Variants in SBK2 observed in about 807,000 individuals in gnomAD.
SBK2 encodes serine/threonine-protein kinase SBK2.
A neutral mutation model predicts 15.9 loss-of-function variants in SBK2; 18 were observed. The observed-to-expected ratio is 1.13, with a 90% CI of 0.78 to 1.68. The LOEUF (loss-of-function observed/expected upper bound fraction) is 1.68, where lower values mean the gene tolerates loss of function less well. Among genes scored for constraint, SBK2 ranks in the 40% most tolerant of loss-of-function variants. SBK2 has a pLI of 0.00. For missense variants in SBK2, 581 were observed against 510.9 expected (o/e 1.14, Z -1.32); for synonymous variants, 284 against 246.8 (o/e 1.15, Z -1.41).
Position 55,529,395 on chromosome 19 carries a change from C to CA in SBK2, c.*337dup, listed in dbSNP as rs1365926385. ...TGGGAGACAGAGCGAGACCCTGTCTCAAAAAAAATAAAAATGCGAGGGGTG... is the reference window on the plus strand; with the variant it reads ...TGGGAGACAGAGCGAGACCCTGTCTCAAAAAAAAATAAAAATGCGAGGGGTG... On this transcript the variant is annotated 3_prime_UTR_variant, in exon 4 of 4. Coordinates refer to ENST00000413299, the MANE Select transcript of SBK2 (RefSeq NM_001370096.2). Among the ~76,000 whole-genome samples, 13 of 151,464 alleles carry CA rather than the reference C, an allele frequency of 8.6e-5. No homozygotes were observed. The highest frequency in any genetic ancestry group is 2.6e-4 in the Admixed American group (4 of 15,190).
At chr19:55,535,906 A>C (rs959348844) in intron 2 of SBK2, 136 bp downstream of exon 2, 20 of 913,246 alleles carry the variant, frequency 2.2e-5, no homozygotes, top group Non-Finnish European at 3.0e-5. Context: ...AAAGAACAAA[A>C]AACAAAAAAC....
intron 2 of SBK2, 92 bp downstream of exon 2, chr19:55,535,950 T>C: frequency 8.0e-7 from 1 of 1,247,910 alleles, no homozygotes; most frequent in Non-Finnish European, 1.1e-6. Flanking sequence ...AAGACTTGAT[T>C]CAGGCCTGCC....
rs1427940937 is a variant in SBK2, at chr19:55,530,256, T to G, written c.524A>C (p.His175Pro). ...AQLASALEYI[H>P]ARGLVYRDLK... The stretch of plus-strand genomic sequence containing the variant: ...GTCCCGGTACACCAGGCCGCGGGCG[T>G]GGATGTACTCCAGGGCGGAGGCCAG... The change falls in exon 4 of 4, where the codon CAC becomes CCC. Residue 175 changes from histidine (H) to proline (P), a missense_variant. By Grantham distance (77) the His-to-Pro change is moderately conservative. Transcript: ENST00000413299. The G allele has an allele frequency of 1.3e-6, 2 of 1,507,914 alleles. No homozygotes were observed. Among genetic ancestry groups the G allele is most frequent in the Admixed American group, 2.3e-5 (1 of 43,790 alleles). 93.4% of individuals were successfully genotyped at this position (1,507,914 alleles called of 1,614,324 possible).
intron 2 of SBK2, among the ~76,000 whole-genome samples, chr19:55,535,252 C>T (rs1988369474): frequency 6.6e-6 from 1 of 151,908 alleles, no homozygotes; most frequent in African/African-American, 2.4e-5. Flanking sequence ...CAGGTTGCCT[C>T]CCTATTTTCC....
rs767566173 is a variant in SBK2 at position 55,529,398 on chromosome 19, A to C, written c.*335T>G. Among the ~76,000 whole-genome samples the C allele has an allele frequency of 3.9e-5, 6 of 152,156 alleles. No homozygotes were observed. The highest frequency in any genetic ancestry group is 8.8e-5 in the Non-Finnish European group (6 of 68,026). On this transcript the variant is annotated 3_prime_UTR_variant, in exon 4 of 4. Coordinates refer to ENST00000413299, the MANE Select transcript of SBK2 (RefSeq NM_001370096.2). The stretch of plus-strand genomic sequence containing the variant: ...GAGACAGAGCGAGACCCTGTCTCAA[A>C]AAAAATAAAAATGCGAGGGGTGAGG...
intron 2 of SBK2, among the ~76,000 whole-genome samples, chr19:55,533,550 G>A (rs1416672931): frequency 7.1e-6 from 1 of 141,780 alleles, no homozygotes; most frequent in South Asian, 2.3e-4. Flanking sequence ...CTATTCGGGA[G>A]GCTGAGGCAG....
chr19:55,532,704 G>A (rs1266688686), intron 2 of SBK2, among the ~76,000 whole-genome samples: 4 of 151,010 alleles, frequency 2.6e-5, no homozygotes, highest in East Asian at 3.9e-4. Flanking sequence ...GGGCTCAAGC[G>A]ATTCTCCTGC....
At position 55,529,134 on chromosome 19, in the gene SBK2, C is replaced by T. The variant is rs1393709292; in HGVS notation, c.*599G>A. ...AATTAGCCTAGCGTGGTGGCGCATG[C>T]CTGTAGTCCCAGCTACTCAGGAGGC... is the stretch of plus-strand genomic sequence containing the variant. On this transcript the variant is annotated 3_prime_UTR_variant, in exon 4 of 4. Transcript: ENST00000413299. 6.6e-6 allele frequency among the ~76,000 whole-genome samples: 1 copy of T among 152,150 alleles called. No homozygotes were observed. The highest frequency in any genetic ancestry group is 2.4e-5 in the African/African-American group (1 of 41,432).
rs550611189 is a variant in SBK2 at position 55,533,342 on chromosome 19, GA to G, written c.254-1998del. On this transcript the variant is annotated intron_variant, in intron 2 of 3. Transcript: ENST00000413299. ...AGAGCAAGACTCCATCTTCAAAAAA[GA>G]AAAAAAAGGAAAAGAAAAGAAAGGC... 5.6e-3 allele frequency among the ~76,000 whole-genome samples: 800 copies of G among 143,442 alleles called. 8 individuals are homozygous for G. Among genetic ancestry groups the G allele is most frequent in the African/African-American group, 0.02 (757 of 38,664 alleles). The allele number at this position is 143,442 out of a possible 152,430, so 94.1% of individuals were successfully genotyped here. A position where few individuals can be genotyped will look rare whatever the true frequency, so the allele number is the denominator to read the frequency against.
chr19:55,530,170 A>T lies in SBK2; in HGVS notation c.610T>A (p.Phe204Ile). The T allele has an allele frequency of 6.5e-7, 1 of 1,526,870 alleles. No individual in the cohort carries two copies. Among genetic ancestry groups the T allele is most frequent in the Non-Finnish European group, 8.8e-7 (1 of 1,137,762 alleles). The allele number at this position is 1,526,870 out of a possible 1,614,324, so 94.6% of individuals were successfully genotyped here. A position where few individuals can be genotyped will look rare whatever the true frequency, so the allele number is the denominator to read the frequency against. The change falls in exon 4 of 4, where the codon TTC becomes ATC. Residue 204 changes from phenylalanine (F) to isoleucine (I), a missense_variant. Coordinates refer to ENST00000413299, the MANE Select transcript of SBK2 (RefSeq NM_001370096.2). ...GTCCCGCGAGGCCTCGTGTGGCCGA[A>T]GTCGGTCAGCTTGAAGCGCCGGCAG... is the stretch of plus-strand genomic sequence containing the variant. ...PACRRFKLTD[F>I]GHTRPRGTLL...
At chr19:55,535,703 A>G (rs1467731337) in intron 2 of SBK2, among the ~76,000 whole-genome samples, 1 of 152,140 alleles carries the variant, frequency 6.6e-6, no homozygotes, top group African/African-American at 2.4e-5. Context: ...CCTCATCTCT[A>G]CTAAGAAAGA....
In SBK2 at chr19:55,530,093, G is replaced by A. The variant is rs1344357042; in HGVS notation, c.687C>T (p.Cys229=). 3 of 1,442,782 alleles carry A rather than the reference G, an allele frequency of 2.1e-6. No individual in the cohort carries two copies. Among genetic ancestry groups the A allele is most frequent in the Admixed American group, 2.8e-5 (1 of 36,252 alleles). 89.4% of individuals were successfully genotyped at this position (1,442,782 alleles called of 1,614,324 possible). Residue 229 remains cysteine (C), a synonymous_variant, in exon 4 of 4, where the codon TGC becomes TGT. Transcript: ENST00000413299. ...PPIPYTAPEL[C]APPPLPEGLP... ...GGCCCTCGGGGAGCGGCGGGGGCGC[G>A]CAGAGCTCGGGGGCCGTGTAGGGGA...
chr19:55,529,966 G>A lies in SBK2; in HGVS notation c.814C>T (p.Pro272Ser), dbSNP rs1402406795. Residue 272 changes from proline (P) to serine (S), a missense_variant, in exon 4 of 4, where the codon CCC (proline) becomes TCC (serine). Transcript: ENST00000413299. ...CAGATGAGGAAGTCCTCGTAGAAGGGGTCGGCCTCGGCCAGGGGCCGGTCC... is the reference window on the plus strand; with the variant it reads ...CAGATGAGGAAGTCCTCGTAGAAGGAGTCGGCCTCGGCCAGGGGCCGGTCC... ...PWDRPLAEADPFYEDFLIWQA... is the reference protein window; with the variant it reads ...PWDRPLAEADSFYEDFLIWQA... 1 of 1,529,422 alleles carries A rather than the reference G, an allele frequency of 6.5e-7. No homozygotes were observed. Among genetic ancestry groups the A allele is most frequent in the South Asian group, 1.2e-5 (1 of 82,234 alleles). 94.7% of individuals were successfully genotyped at this position (1,529,422 alleles called of 1,614,324 possible).
rs55696931 is a variant in SBK2 at position 55,533,630 on chromosome 19, G to A, written c.254-2285C>T. 2.9e-4 allele frequency among the ~76,000 whole-genome samples: 4 copies of A among 13,734 alleles called. 1 individual carries two copies. The South Asian group carries it at 7.1e-3, about 24-fold the overall frequency. 9.0% of individuals were successfully genotyped at this position (13,734 alleles called of 152,430 possible). On this transcript the variant is annotated intron_variant, in intron 2 of 3. Coordinates refer to ENST00000413299, the MANE Select transcript of SBK2 (RefSeq NM_001370096.2). ...ATTGCGCCACTGCAGTCCACAGTCC[G>A]GCCTGGGCGACAGAGCGAGACTCCG...
rs1252574493 is a variant in SBK2, at chr19:55,536,280, C to CT, written c.14dup (p.Ser6ValfsTer2). 6.3e-7 allele frequency: 1 copy of CT among 1,580,952 alleles called. No homozygotes were observed. Among genetic ancestry groups the CT allele is most frequent in the Admixed American group, 1.8e-5 (1 of 56,278 alleles). Reference sequence around the variant, plus strand: ...CTGCCTCCGCCGGCCCTTCCTCAGACTGTTTGCCGGGCATCTCTGCGAGAA... The same window carrying CT: ...CTGCCTCCGCCGGCCCTTCCTCAGACTTGTTTGCCGGGCATCTCTGCGAGAA... On this transcript the variant is annotated frameshift_variant, in exon 2 of 4. Transcript: ENST00000413299. LOFTEE classifies it high-confidence loss of function.
chr19:55,530,215 C>T lies in SBK2; in HGVS notation c.565G>A (p.Val189Ile). The T allele has an allele frequency of 6.5e-7, 1 of 1,535,504 alleles. No homozygotes were observed. Among genetic ancestry groups the T allele is most frequent in the Admixed American group, 2.0e-5 (1 of 48,800 alleles). Residue 189 changes from valine to isoleucine, a missense_variant, in exon 4 of 4, where the codon GTC becomes ATC. By Grantham distance (29) the Val-to-Ile change is conservative (BLOSUM62 3). Transcript: ENST00000413299. The part of the protein sequence containing the change: ...LVYRDLKPEN[V>I]LVCDPACRRF... ...CGGCAGGCCGGGTCGCACACCAGGA[C>T]GTTCTCCGGCTTCAGGTCCCGGTAC...
intron 1 of SBK2, 74 bp downstream of exon 1, chr19:55,536,980 C>G (rs181564289): frequency 6.5e-6 from 1 of 152,750 alleles, no homozygotes; most frequent in Non-Finnish European, 1.5e-5. Flanking sequence ...GTACAGTCAC[C>G]CTCAGGTGCT....
chr19:55,535,990 C>G (rs944913926), intron 2 of SBK2, 52 bp downstream of exon 2: 1 of 1,419,044 alleles, frequency 7.0e-7, no homozygotes. Context: ...ACCCCAGGCC[C>G]GTGCCCCGCC....
rs1293730565 is a variant in SBK2 at position 55,528,627 on chromosome 19, A to C, written c.*1106T>G. Among the ~76,000 whole-genome samples the C allele has an allele frequency of 6.6e-6, 1 of 152,028 alleles. No individual in the cohort carries two copies. Among genetic ancestry groups the C allele is most frequent in the Non-Finnish European group, 1.5e-5 (1 of 68,010 alleles). On this transcript the variant is annotated 3_prime_UTR_variant, in exon 4 of 4. Coordinates refer to ENST00000413299, the MANE Select transcript of SBK2 (RefSeq NM_001370096.2). The stretch of plus-strand genomic sequence containing the variant: ...GCACTGGGATCTGAGCGCCAGATGG[A>C]GTTTATTTGCAGAGTGGCTGGGGCG...
Sources: allele counts gnomAD v4.1 joint callset (sites outside exome capture counted in the v4.1 genomes callset), GRCh38; gene constraint gnomAD v4.1.1; transcripts MANE v1.5; gene names NCBI Gene and HGNC (gene_info 2026-07-23, HGNC 2026-07-21).